PNN: variants seen among roughly 807,000 people sequenced by gnomAD.
The protein encoded by PNN is pinin.
PNN carries 38 observed loss-of-function variants against 76.6 expected under a neutral mutation model. The ratio of observed to expected loss-of-function variants is 0.50; its 90% CI spans 0.38 to 0.65. PNN has a LOEUF of 0.65. Among genes scored for constraint, PNN ranks in the 30% least tolerant of loss-of-function variants. PNN has a pLI of 0.00. For missense variants in PNN, 873 were observed against 874.1 expected (o/e 1.00, Z 0.02); for synonymous variants, 366 against 283.7 (o/e 1.29, Z -2.91).
chr14:39,175,890 C>T, intron 1 of PNN, 188 bp from the exon 2 acceptor site: 1 of 570,530 alleles, frequency 1.8e-6, no homozygotes, highest in East Asian at 3.1e-5. Flanking sequence ...TGACACAGGT[C>T]CTGGAGAAAC....
In PNN at chr14:39,181,679, C is replaced by T; in HGVS notation, c.1970C>T (p.Thr657Ile). The change falls in exon 9 of 9, where the codon ACT becomes ATT. Residue 657 changes from threonine (T) to isoleucine (I), a missense_variant. Transcript: ENST00000216832. ...AGCGTGGATCGGAAGAGAAGGGATA[C>T]TTCAGGACTAGAAAGAAGTCACAAA... ...RRSVDRKRRD[T>I]SGLERSHKSS... 6.2e-7 allele frequency: 1 copy of T among 1,613,894 alleles called. No homozygotes were observed. Among genetic ancestry groups the T allele is most frequent in the Non-Finnish European group, 8.5e-7 (1 of 1,179,866 alleles).
rs773391737 is a variant in PNN at position 39,181,659 on chromosome 14, G to T, written c.1950G>T (p.Val650=). 1.2e-6 allele frequency: 2 copies of T among 1,614,066 alleles called. No homozygotes were observed. Among genetic ancestry groups the T allele is most frequent in the South Asian group, 2.2e-5 (2 of 91,076 alleles). ...HNRDRKHRRS[V]DRKRRDTSGL... is the part of the protein sequence containing the mutation. Reference sequence around the variant, plus strand: ...GAGATAGAAAGCACAGAAGGAGCGTGGATCGGAAGAGAAGGGATACTTCAG... The same window carrying T: ...GAGATAGAAAGCACAGAAGGAGCGTTGATCGGAAGAGAAGGGATACTTCAG... The change falls in exon 9 of 9, where the codon GTG becomes GTT. Residue 650 remains valine (V), a synonymous_variant. Coordinates refer to ENST00000216832, the MANE Select transcript of PNN (RefSeq NM_002687.4).
intron 6 of PNN, among the ~76,000 whole-genome samples, chr14:39,178,744 A>G (rs1210875151): frequency 7.0e-6 from 1 of 143,054 alleles, no homozygotes; most frequent in East Asian, 1.9e-4. Flanking sequence ...AAAAAAAAAA[A>G]AATTTTTTTT....
chr14:39,176,171 A>G (rs1339923045), intron 2 of PNN, 22 bp downstream of exon 2: 4 of 1,368,284 alleles, frequency 2.9e-6, no homozygotes, highest in Non-Finnish European at 4.2e-6. Context: ...TTTGGACTTT[A>G]CTCATGCTGA....
chr14:39,175,263 C>G lies in PNN; in HGVS notation c.-17C>G, dbSNP rs761177718. On this transcript the variant is annotated 5_prime_UTR_variant, in exon 1 of 9. Transcript: ENST00000216832. ...GCTCGGCCTGTAAAGCAGTCTCAAG[C>G]CTGCCGCAGGGAGAAGATGGCGGTC... 6 of 1,524,188 alleles carry G rather than the reference C, an allele frequency of 3.9e-6. No individual in the cohort carries two copies. In the African/African-American group the frequency reaches 6.8e-5, roughly 17 times the overall value. The allele number at this position is 1,524,188 out of a possible 1,614,324, so 94.4% of individuals were successfully genotyped here. A position where few individuals can be genotyped will look rare whatever the true frequency, so the allele number is the denominator to read the frequency against.
chr14:39,180,615 A>C lies in PNN; in HGVS notation c.906A>C (p.Glu302Asp). The stretch of plus-strand genomic sequence containing the variant: ...AGCATCAGGTGGTGCGTAATGAAGA[A>C]CAGAAGGCGGAACAAGAAGAGGGTA... ...EKEHQVVRNE[E>D]QKAEQEEGKV... is the part of the protein sequence containing the mutation. The change falls in exon 9 of 9, where the codon GAA becomes GAC. Residue 302 changes from glutamate (E) to aspartate (D), a missense_variant. Coordinates refer to ENST00000216832, the MANE Select transcript of PNN (RefSeq NM_002687.4). 2 of 1,614,126 alleles carry C rather than the reference A, an allele frequency of 1.2e-6. No homozygotes were observed. Among genetic ancestry groups the C allele is most frequent in the South Asian group, 1.1e-5 (1 of 91,058 alleles).
intron 2 of PNN, 125 bp downstream of exon 2, chr14:39,176,274 T>C (rs1162153002): frequency 1.5e-6 from 1 of 664,020 alleles, no homozygotes; most frequent in African/African-American, 1.8e-5. Flanking sequence ...TGTTTAATGT[T>C]GTAATAGACT....
At position 39,177,458 on chromosome 14, in the gene PNN, G is replaced by A. The variant is rs747888202; in HGVS notation, c.301G>A (p.Asp101Asn). ...RTRRESRQES[D>N]PEDDDVKKPA... ...CAGAAGAGAATCACGCCAGGAAAGC[G>A]ACCCGGAGGATGATGATGTTAAAAA... is the stretch of plus-strand genomic sequence containing the variant. The change falls in exon 4 of 9, where the codon GAC becomes AAC. Residue 101 changes from aspartate (D) to asparagine (N), a missense_variant. Asp to Asn is a conservative substitution (Grantham distance 23). This residue lies in a region of PNN where 156 missense variants were observed against 161.7 expected (regional missense o/e 0.96). Transcript: ENST00000216832. 2.5e-6 allele frequency: 4 copies of A among 1,613,992 alleles called. No homozygotes were observed. The highest frequency in any genetic ancestry group is 1.7e-5 in the Admixed American group (1 of 60,026).
rs1028358664 is a variant in PNN at position 39,179,453 on chromosome 14, A to C, written c.784A>C (p.Lys262Gln). 3 of 1,611,940 alleles carry C rather than the reference A, an allele frequency of 1.9e-6. No homozygotes were observed. The African/African-American group carries it at 4.0e-5, about 22-fold the overall frequency. The change falls in exon 8 of 9, where the codon AAA (lysine) becomes CAA (glutamine). Residue 262 changes from lysine to glutamine, a missense_variant. Transcript: ENST00000216832. ...AAAACTAATAGAAGAGTCACAGAGA[A>C]AAATGAACGGTAAGTATGCGAAGAG... Reference protein sequence around the residue: ...TQKLIEESQRKMNALFEGRRI... With the variant: ...TQKLIEESQRQMNALFEGRRI...
intron 1 of PNN, among the ~76,000 whole-genome samples, 188 bp downstream of exon 1, chr14:39,175,580 G>A (rs2053213906): frequency 6.6e-6 from 1 of 152,226 alleles, no homozygotes; most frequent in South Asian, 2.1e-4. Flanking sequence ...TAGAGCGCTG[G>A]TCTCAGGTCC....
intron 2 of PNN, 156 bp from the exon 3 acceptor site, chr14:39,176,371 A>C: frequency 1.5e-6 from 1 of 653,100 alleles, no homozygotes; most frequent in Admixed American, 3.1e-5. Flanking sequence ...CTTAATTCTT[A>C]TAAAGTAACA....
At chr14:39,177,536 T>A (rs1406161252) in intron 4 of PNN, 52 bp downstream of exon 4, 1 of 1,595,686 alleles carries the variant, frequency 6.3e-7, no homozygotes, top group Non-Finnish European at 8.6e-7. Context: ...CTTTACTACA[T>A]TTAAAAGCAC....
In PNN at chr14:39,180,721, G is replaced by T; in HGVS notation, c.1012G>T (p.Glu338Ter). The T allele has an allele frequency of 6.3e-7, 1 of 1,597,608 alleles. No individual in the cohort carries two copies. Among genetic ancestry groups the T allele is most frequent in the Non-Finnish European group, 8.5e-7 (1 of 1,170,804 alleles). The change falls in exon 9 of 9, where the codon GAG becomes TAG. Residue 338 changes from glutamate to a stop codon, truncating the protein, a stop_gained. Transcript: ENST00000216832. LOFTEE classifies it high-confidence loss of function. ...DVEIEEAGEE[E>*]EKEIAIVHSD... ...AGAAATAGAGGAAGCAGGAGAGGAA[G>T]AGGAAAAGGAAATAGCGATTGTTCA...
In PNN at chr14:39,181,197, C is replaced by G. The variant is rs757663539; in HGVS notation, c.1488C>G (p.Ser496=). ...CCCAGTCCCAACCAGTACTCCAGTC[C>G]CAGCCTCCCTCTCAGCCTGAGGATT... The part of the protein sequence containing the change: ...LQSQSQPVLQ[S]QPPSQPEDLS... Residue 496 remains serine (S), a synonymous_variant, in exon 9 of 9, where the codon TCC becomes TCG. Transcript: ENST00000216832. 6.2e-7 allele frequency: 1 copy of G among 1,612,398 alleles called. No individual in the cohort carries two copies. Among genetic ancestry groups the G allele is most frequent in the South Asian group, 1.1e-5 (1 of 91,038 alleles).
At position 39,181,099 on chromosome 14, in the gene PNN, A is replaced by G. The variant is rs1294229814; in HGVS notation, c.1390A>G (p.Lys464Glu). ...MEKESEEKEE[K>E]ESEPQPEPVA... ...AAAGGAGTCTGAGGAAAAAGAAGAA[A>G]AAGAATCTGAGCCCCAACCTGAGCC... Residue 464 changes from lysine to glutamate, a missense_variant, in exon 9 of 9, where the codon AAA becomes GAA. Lys to Glu is a moderately conservative substitution (Grantham distance 56). This residue lies in a region of PNN where 712 missense variants were observed against 693.1 expected (regional missense o/e 1.03). Transcript: ENST00000216832. 4 of 1,613,592 alleles carry G rather than the reference A, an allele frequency of 2.5e-6. No homozygotes were observed. In the South Asian group the frequency reaches 3.3e-5, roughly 13 times the overall value.
At chr14:39,178,006 T>A in intron 6 of PNN, 90 bp downstream of exon 6, 1 of 869,224 alleles carries the variant, frequency 1.2e-6, no homozygotes, top group Non-Finnish European at 1.9e-6. Flanking sequence ...AAAGCTCTTT[T>A]AAGACCTAAC....
In PNN at chr14:39,181,328, T is replaced by C; in HGVS notation, c.1619T>C (p.Val540Ala). Residue 540 changes from valine to alanine, a missense_variant, in exon 9 of 9, where the codon GTA (valine) becomes GCA (alanine). This residue lies in a region of PNN where 712 missense variants were observed against 693.1 expected (regional missense o/e 1.03). Coordinates refer to ENST00000216832, the MANE Select transcript of PNN (RefSeq NM_002687.4). ...FPVESVKLTE[V>A]PVEPVLTVHP... ...GTAGAGTCTGTAAAACTCACTGAGGTACCAGTAGAGCCAGTCTTGACAGTA... is the reference window on the plus strand; with the variant it reads ...GTAGAGTCTGTAAAACTCACTGAGGCACCAGTAGAGCCAGTCTTGACAGTA... The C allele has an allele frequency of 6.2e-7, 1 of 1,614,156 alleles. No homozygotes were observed. Among genetic ancestry groups the C allele is most frequent in the Non-Finnish European group, 8.5e-7 (1 of 1,179,992 alleles).
rs1338095466 is a variant in PNN at position 39,182,043 on chromosome 14, G to A, written c.*180G>A. 1 of 532,746 alleles carries A rather than the reference G, an allele frequency of 1.9e-6. No homozygotes were observed. The highest frequency in any genetic ancestry group is 3.3e-5 in the East Asian group (1 of 30,604). 33.0% of individuals were successfully genotyped at this position (532,746 alleles called of 1,614,324 possible). On this transcript the variant is annotated 3_prime_UTR_variant, in exon 9 of 9. Coordinates refer to ENST00000216832, the MANE Select transcript of PNN (RefSeq NM_002687.4). ...TTGTACTTTTTGCATAATTTTGTAAGAGTTATTTATCAAAATTATGTGAGG... is the reference window on the plus strand; with the variant it reads ...TTGTACTTTTTGCATAATTTTGTAAAAGTTATTTATCAAAATTATGTGAGG...
Position 39,181,155 on chromosome 14 carries a change from C to T in PNN, c.1446C>T (p.Pro482=), listed in dbSNP as rs1312295025. ...CTCAACCTCAGCCTCAGTCTCAGCC[C>T]CAGCTTCAGCTTCAATCCCAGTCCC... ...PVAQPQPQSQ[P]QLQLQSQSQP... Residue 482 remains proline (P), a synonymous_variant, in exon 9 of 9, where the codon CCC becomes CCT. Transcript: ENST00000216832. 5.0e-6 allele frequency: 8 copies of T among 1,605,860 alleles called. No homozygotes were observed. Among genetic ancestry groups the T allele is most frequent in the Non-Finnish European group, 6.0e-6 (7 of 1,172,568 alleles).
Sources: allele counts gnomAD v4.1 joint callset (sites outside exome capture counted in the v4.1 genomes callset), GRCh38; gene constraint gnomAD v4.1.1; regional missense constraint gnomAD v4.1.1; transcripts MANE v1.5; gene names NCBI Gene and HGNC (gene_info 2026-07-23, HGNC 2026-07-21).